Variants in RAG1 observed in about 807,000 individuals in gnomAD.
The protein encoded by RAG1 is recombination activating 1.
Under a neutral mutation model 62.7 loss-of-function variants are expected in RAG1, and 35 were observed. The observed-to-expected ratio is 0.56, with a 90% CI of 0.43 to 0.74. RAG1 has a LOEUF of 0.74. Ranked by LOEUF, RAG1 falls within the 30% of genes least tolerant of loss-of-function variation. RAG1 has a pLI of 0.00. For missense variants in RAG1, 1,169 were observed against 1,278.6 expected, an observed-to-expected ratio of 0.91 and a Z score of 1.31; for synonymous variants, 461 against 470.3, an observed-to-expected ratio of 0.98 and a Z score of 0.26.
intron 3 of RAG1, among the ~76,000 whole-genome samples, chr11:36,548,102 CT>C (rs1425817117): frequency 1.3e-5 from 2 of 152,038 alleles, no homozygotes; most frequent in Non-Finnish European, 2.9e-5. Context: ...TCTCAATAAA[CT>C]AGGTATTGAT....
rs141265699 is a variant in RAG1 at position 36,574,969 on chromosome 11, C to T, written c.1665C>T (p.Thr555=). The T allele has an allele frequency of 1.3e-4, 207 of 1,614,008 alleles. No individual in the cohort carries two copies. The highest frequency in any genetic ancestry group is 1.7e-4 in the Non-Finnish European group (197 of 1,180,036). Residue 555 remains threonine (T), a synonymous_variant, in exon 2 of 2, where the codon ACC becomes ACT. Transcript: ENST00000299440. ...SSSVDDYPVD[T]IAKRFRYDSA... is the part of the protein sequence containing the mutation. ...CTGTGGATGATTACCCAGTGGACACCATTGCAAAGAGGTTCCGCTATGATT... is the reference window on the plus strand; with the variant it reads ...CTGTGGATGATTACCCAGTGGACACTATTGCAAAGAGGTTCCGCTATGATT...
rs538116269 is a variant in RAG1, at chr11:36,573,172, A to G, written c.-14-119A>G. The G allele has an allele frequency of 5.8e-6, 6 of 1,029,136 alleles. No homozygotes were observed. In the South Asian group the frequency reaches 8.6e-5, roughly 15 times the overall value. The allele number at this position is 1,029,136 out of a possible 1,614,324, so 63.8% of individuals were successfully genotyped here. A position where few individuals can be genotyped will look rare whatever the true frequency, so the allele number is the denominator to read the frequency against. On this transcript the variant is annotated intron_variant, in intron 1 of 1. Coordinates refer to ENST00000299440, the MANE Select transcript of RAG1 (RefSeq NM_000448.3). ...ATGATATATTAAGGTAGAAGATTTA[A>G]TACATATCTTTTGGAATACATGAAT...
chr11:36,539,652 A>G (rs775814647), downstream of RAG1, among the ~76,000 whole-genome samples: 3 of 151,976 alleles, frequency 2.0e-5, no homozygotes, highest in Non-Finnish European at 4.4e-5. Context: ...GCCTGGCGAT[A>G]TTTTTAGTAG....
rs1850820201 is a variant in RAG1 at position 36,575,053 on chromosome 11, C to T, written c.1749C>T (p.Ser583=). 6.2e-7 allele frequency: 1 copy of T among 1,614,090 alleles called. No homozygotes were observed. The highest frequency in any genetic ancestry group is 1.3e-5 in the African/African-American group (1 of 75,012). ...AAGACATCTTGGAAGGCATGAGATCCCAAGACCTTGATGATTACCTGAATG... is the reference window on the plus strand; with the variant it reads ...AAGACATCTTGGAAGGCATGAGATCTCAAGACCTTGATGATTACCTGAATG... ...MEEDILEGMR[S]QDLDDYLNGP... is the part of the protein sequence containing the mutation. The change falls in exon 2 of 2, where the codon TCC becomes TCT. Residue 583 remains serine, a synonymous_variant. Transcript: ENST00000299440. This position sits in a 1 kb window ranked among gnomAD's most constrained non-coding sequence, Gnocchi z 4.1.
chr11:36,516,110 G>A (rs1859991737), intron 1 of RAG1, among the ~76,000 whole-genome samples: 1 of 152,170 alleles, frequency 6.6e-6, no homozygotes, highest in Non-Finnish European at 1.5e-5. Flanking sequence ...TGTTCATCAA[G>A]CAATGTTGAG....
chr11:36,573,559 T>G lies in RAG1; in HGVS notation c.255T>G (p.Pro85=). 1 of 1,614,146 alleles carries G rather than the reference T, an allele frequency of 6.2e-7. No homozygotes were observed. Among genetic ancestry groups the G allele is most frequent in the Middle Eastern group, 1.6e-4 (1 of 6,062 alleles). The part of the protein sequence containing the change: ...VPTQPLLKAH[P]KFSKKFHDNE... ...CTCAGCCATTGTTAAAAGCCCACCC[T>G]AAGTTTTCAAAGAAATTTCACGACA... is the stretch of plus-strand genomic sequence containing the variant. Residue 85 remains proline, a synonymous_variant, in exon 2 of 2, where the codon CCT becomes CCG. Coordinates refer to ENST00000299440, the MANE Select transcript of RAG1 (RefSeq NM_000448.3).
At chr11:36,545,859 A>T (rs1359187540) in intron 3 of RAG1, among the ~76,000 whole-genome samples, 1 of 152,232 alleles carries the variant, frequency 6.6e-6, no homozygotes, top group Non-Finnish European at 1.5e-5. Flanking sequence ...TCCAGCAGTC[A>T]TTCAGATGCA....
rs1479667806 is a variant in RAG1 at position 36,578,868 on chromosome 11, G to A, written c.*2432G>A. On this transcript the variant is annotated 3_prime_UTR_variant, in exon 2 of 2. Coordinates refer to ENST00000299440, the MANE Select transcript of RAG1 (RefSeq NM_000448.3). Reference sequence around the variant, plus strand: ...CCAGGGAAATTCACCACACTGAATCGAGCATTTGTGTGTGTATGTGTGAAG... The same window carrying A: ...CCAGGGAAATTCACCACACTGAATCAAGCATTTGTGTGTGTATGTGTGAAG... 4 of 167,118 alleles carry A rather than the reference G, an allele frequency of 2.4e-5. No homozygotes were observed. Among genetic ancestry groups the A allele is most frequent in the African/African-American group, 4.8e-5 (2 of 41,544 alleles). 10.4% of individuals were successfully genotyped at this position (167,118 alleles called of 1,614,324 possible). A position where few individuals can be genotyped will look rare whatever the true frequency, so the allele number is the denominator to read the frequency against.
intron 2 of RAG1, among the ~76,000 whole-genome samples, chr11:36,520,389 C>A (rs1172444568): frequency 6.6e-6 from 1 of 152,138 alleles, no homozygotes; most frequent in Non-Finnish European, 1.5e-5. Context: ...CCGTCTCAGC[C>A]TCCCGAGTAG....
intron 1 of RAG1, among the ~76,000 whole-genome samples, chr11:36,519,319 A>C (rs1860042747): frequency 6.6e-6 from 1 of 152,218 alleles, no homozygotes; most frequent in Non-Finnish European, 1.5e-5. Flanking sequence ...CGTATTCCGG[A>C]GAGGAAATAA....
At chr11:36,544,797 G>A (rs994899343) in intron 3 of RAG1, among the ~76,000 whole-genome samples, 3 of 152,152 alleles carry the variant, frequency 2.0e-5, no homozygotes, top group South Asian at 2.1e-4. Flanking sequence ...CCCCCATTCT[G>A]TTCTCATGAT....
intron 2 of RAG1, among the ~76,000 whole-genome samples, chr11:36,531,334 A>G (rs755633681): frequency 3.4e-4 from 51 of 151,824 alleles, no homozygotes; most frequent in Non-Finnish European, 6.3e-4. Flanking sequence ...TAATGTAATT[A>G]TTGGTATGTT....
In RAG1 at chr11:36,573,476, T is replaced by C. The variant is rs761039913; in HGVS notation, c.172T>C (p.Ser58Pro). 2.5e-6 allele frequency: 4 copies of C among 1,614,168 alleles called. No individual in the cohort carries two copies. Among genetic ancestry groups the C allele is most frequent in the Non-Finnish European group, 3.4e-6 (4 of 1,180,030 alleles). The change falls in exon 2 of 2, where the codon TCT becomes CCT. Residue 58 changes from serine to proline, a missense_variant. Around this residue, in one of 2 missense-constraint regions of RAG1, gnomAD observed 369 missense variants for 335.3 expected, o/e 1.10. Transcript: ENST00000299440. ...GAAGGATTCCTTTGAGGGGAAACCC[T>C]CTCTGGAGCAATCTCCAGCAGTCCT... ...EKKDSFEGKP[S>P]LEQSPAVLDK...
upstream of RAG1, among the ~76,000 whole-genome samples, chr11:36,566,261 C>G (rs1382406330): frequency 1.3e-5 from 2 of 151,986 alleles, no homozygotes; most frequent in Non-Finnish European, 2.9e-5. Flanking sequence ...TTATGGGCAA[C>G]CAACCAACTC....
intron 1 of RAG1, among the ~76,000 whole-genome samples, chr11:36,571,627 G>A (rs756302396): frequency 2.6e-5 from 4 of 152,090 alleles, no homozygotes; most frequent in Non-Finnish European, 5.9e-5. Context: ...CCATTTCTTT[G>A]TTTTTGAGAC....
intron 1 of RAG1, among the ~76,000 whole-genome samples, chr11:36,512,393 G>C (rs1314715460): frequency 6.6e-6 from 1 of 152,172 alleles, no homozygotes; most frequent in Non-Finnish European, 1.5e-5. Context: ...GGAAACAAAC[G>C]CCTGTTATTT....
At chr11:36,563,643 T>C (rs1213497598), upstream of RAG1, 2 of 152,188 alleles carry the variant, frequency 1.3e-5, no homozygotes, top group Non-Finnish European at 2.9e-5. Flanking sequence ...TTAATTAAAA[T>C]TTATGAAAAA....
chr11:36,538,367 A>G (rs1468894414), downstream of RAG1, among the ~76,000 whole-genome samples: 1 of 152,176 alleles, frequency 6.6e-6, no homozygotes, highest in East Asian at 1.9e-4. Context: ...TAAAGCCCAA[A>G]TCTACCACAT....
At chr11:36,541,036 G>A (rs973608653) in intron 3 of RAG1, among the ~76,000 whole-genome samples, 14 of 152,112 alleles carry the variant, frequency 9.2e-5, no homozygotes, top group Admixed American at 2.6e-4. Flanking sequence ...CCCCAGTTCC[G>A]GTTTCCACAT....
Sources: gnomAD v4.1 joint callset for allele counts (sites outside exome capture counted in the v4.1 genomes callset) on GRCh38, gnomAD v4.1.1 for gene constraint, gnomAD v4.1.1 regional missense constraint, Gnocchi (gnomAD v3.1) non-coding constraint, MANE v1.5 for transcripts, NCBI Gene and HGNC (gene_info 2026-07-23, HGNC 2026-07-21) for gene names.